The following SH3RF3 variants were observed in gnomAD, a reference collection of about 807,000 sequenced individuals.
The protein encoded by SH3RF3 is E3 ubiquitin-protein ligase SH3RF3.
SH3RF3 carries 29 observed loss-of-function variants against 66.3 expected under a neutral mutation model. The observed-to-expected ratio is 0.44, with a 90% CI of 0.33 to 0.60. The LOEUF is 0.60. Ranked by LOEUF, SH3RF3 falls within the 20% of genes least tolerant of loss-of-function variation. SH3RF3 has a pLI of 0.04. For missense variants in SH3RF3, 1,194 were observed against 1,190.9 expected (o/e 1.00, Z -0.04); for synonymous variants, 583 against 532.0 (o/e 1.10, Z -1.32).
chr2:109,246,703 G>T (rs909952412), intron 1 of SH3RF3, among the ~76,000 whole-genome samples: 1 of 152,208 alleles, frequency 6.6e-6, no homozygotes, highest in Non-Finnish European at 1.5e-5. Flanking sequence ...TCGTCCTAAG[G>T]CTGGATGTCT....
chr2:109,340,391 T>A (rs1682533037), intron 1 of SH3RF3, among the ~76,000 whole-genome samples: 1 of 152,206 alleles, frequency 6.6e-6, no homozygotes. Flanking sequence ...GCCCCAGTAC[T>A]GCTGGAACCC....
chr2:109,409,011 C>T (rs943443634), intron 4 of SH3RF3, among the ~76,000 whole-genome samples: 2 of 152,180 alleles, frequency 1.3e-5, no homozygotes, highest in African/African-American at 2.4e-5. Context: ...TGGGAAGCCC[C>T]GGGTAGGCGA....
chr2:109,469,334 G>A lies in SH3RF3; in HGVS notation c.2148+19845G>A, dbSNP rs148406453. On this transcript the variant is annotated intron_variant, in intron 8 of 9. Transcript: ENST00000309415. ...CTGTATCCTGGGGTGTGTGGCATGCGGCTGGGCCCCTGTGGCCCTTTACTA... is the reference window on the plus strand; with the variant it reads ...CTGTATCCTGGGGTGTGTGGCATGCAGCTGGGCCCCTGTGGCCCTTTACTA... Among the ~76,000 whole-genome samples, 197 of 152,330 alleles carry A rather than the reference G, an allele frequency of 1.3e-3. 2 individuals carry two copies. The highest frequency in any genetic ancestry group is 4.5e-3 in the African/African-American group (185 of 41,570).
At chr2:109,397,412 A>G (rs181612245) in intron 3 of SH3RF3, among the ~76,000 whole-genome samples, 69 of 152,264 alleles carry the variant, frequency 4.5e-4, no homozygotes, top group Admixed American at 6.5e-4. Flanking sequence ...TGATTCTAGT[A>G]TCATAGTTTC....
chr2:109,215,215 C>T (rs1400226425), intron 1 of SH3RF3, among the ~76,000 whole-genome samples: 1 of 152,160 alleles, frequency 6.6e-6, no homozygotes, highest in Non-Finnish European at 1.5e-5. Flanking sequence ...CCCTCATGGT[C>T]CCTGCCCCCT....
chr2:109,136,107 C>T (rs977000384), intron 1 of SH3RF3, among the ~76,000 whole-genome samples: 1 of 152,148 alleles, frequency 6.6e-6, no homozygotes, highest in Non-Finnish European at 1.5e-5. Flanking sequence ...AGCCTGCCTG[C>T]TTGCTGGAGC....
At chr2:109,412,576 T>C (rs1676620011) in intron 4 of SH3RF3, among the ~76,000 whole-genome samples, 1 of 152,196 alleles carries the variant, frequency 6.6e-6, no homozygotes, top group African/African-American at 2.4e-5. Flanking sequence ...CAGCCCCTGC[T>C]GGTGCTGCAG....
chr2:109,386,943 A>T (rs1351787130), intron 3 of SH3RF3, among the ~76,000 whole-genome samples: 1 of 152,176 alleles, frequency 6.6e-6, no homozygotes, highest in Non-Finnish European at 1.5e-5. Flanking sequence ...ACTCCAGCCT[A>T]ATCTGCTTTT....
At chr2:109,234,350 TCTTAGTGC>T (rs1195921600) in intron 1 of SH3RF3, among the ~76,000 whole-genome samples, 3 of 152,220 alleles carry the variant, frequency 2.0e-5, no homozygotes, top group South Asian at 4.1e-4. Flanking sequence ...ATTGCAGGAT[TCTTAGTGC>T]CTAAAACATA....
At chr2:109,157,067 C>T (rs1677363584) in intron 1 of SH3RF3, among the ~76,000 whole-genome samples, 1 of 152,184 alleles carries the variant, frequency 6.6e-6, no homozygotes, top group African/African-American at 2.4e-5. Flanking sequence ...GAAGGGCTCT[C>T]CTTGGTAAAC....
chr2:109,456,594 C>T (rs962346720), intron 8 of SH3RF3, among the ~76,000 whole-genome samples: 3 of 152,208 alleles, frequency 2.0e-5, no homozygotes, highest in Non-Finnish European at 4.4e-5. Flanking sequence ...TTGTTATCTG[C>T]GCCCTCCCAG....
intron 3 of SH3RF3, among the ~76,000 whole-genome samples, chr2:109,375,174 T>C (rs1345598489): frequency 6.6e-6 from 1 of 152,264 alleles, no homozygotes; most frequent in African/African-American, 2.4e-5. Flanking sequence ...CCCTGGGCAC[T>C]GACCCCATCT....
intron 5 of SH3RF3, among the ~76,000 whole-genome samples, chr2:109,426,539 G>A (rs1677031961): frequency 6.6e-6 from 1 of 152,248 alleles, no homozygotes; most frequent in Non-Finnish European, 1.5e-5. Context: ...AACTTGAACA[G>A]ATGAGGAGTT....
intron 3 of SH3RF3, among the ~76,000 whole-genome samples, chr2:109,380,673 C>T (rs545228312): frequency 1.3e-5 from 2 of 152,302 alleles, no homozygotes; most frequent in South Asian, 4.1e-4. Flanking sequence ...CCACAGCCCA[C>T]CTTAAATGTT....
chr2:109,134,737 C>T (rs1376905478), intron 1 of SH3RF3, among the ~76,000 whole-genome samples: 1 of 152,180 alleles, frequency 6.6e-6, no homozygotes, highest in Non-Finnish European at 1.5e-5. Context: ...ACAGGCTCAG[C>T]TCGTTGGTAG....
chr2:109,163,505 T>G lies in SH3RF3; in HGVS notation c.573+33392T>G, dbSNP rs564926669. 7.6e-4 allele frequency among the ~76,000 whole-genome samples: 107 copies of G among 141,112 alleles called. 1 individual carries two copies. The highest frequency in any genetic ancestry group is 1.4e-3 in the Non-Finnish European group (92 of 65,892). The allele number at this position is 141,112 out of a possible 152,430, so 92.6% of individuals were successfully genotyped here. ...GCTCCGCCTCCCGGGTTCACGCCATTCTCCTGCCTCAGCCTCCCAAGTAGC... is the reference window on the plus strand; with the variant it reads ...GCTCCGCCTCCCGGGTTCACGCCATGCTCCTGCCTCAGCCTCCCAAGTAGC... On this transcript the variant is annotated intron_variant, in intron 1 of 9. Transcript: ENST00000309415.
rs1678502282 is a variant in SH3RF3 at position 109,196,499 on chromosome 2, C to T, written c.573+66386C>T. Among the ~76,000 whole-genome samples the T allele has an allele frequency of 3.3e-5, 5 of 152,240 alleles. No homozygotes were observed. The South Asian group carries it at 1.0e-3, about 31-fold the overall frequency. On this transcript the variant is annotated intron_variant, in intron 1 of 9. Coordinates refer to ENST00000309415, the MANE Select transcript of SH3RF3 (RefSeq NM_001099289.3). The stretch of plus-strand genomic sequence containing the variant: ...CAGGTGACTCCCTTCCAGTCTGTTT[C>T]TAGAGTGTCTGGGACCAGCTACTTA...
intron 8 of SH3RF3, among the ~76,000 whole-genome samples, chr2:109,473,613 G>A (rs1352287653): frequency 1.3e-5 from 2 of 152,160 alleles, no homozygotes; most frequent in Non-Finnish European, 2.9e-5. Flanking sequence ...GGGACCTAAA[G>A]CACAAACAAG....
chr2:109,249,537 TTCCTTCC>T lies in SH3RF3; in HGVS notation c.574-98135_574-98129del, dbSNP rs1558981515. 7.2e-3 allele frequency among the ~76,000 whole-genome samples: 695 copies of T among 96,826 alleles called. 6 individuals are homozygous for T. The highest frequency in any genetic ancestry group is 0.014 in the Middle Eastern group (3 of 220). The allele number at this position is 96,826 out of a possible 152,430, so 63.5% of individuals were successfully genotyped here. ...TCTTTCTTTTTCTTTCTTTCTTTCC[TTCCTTCC>T]TTCCTTCCTTCCTTCCTTCCTTCCT... On this transcript the variant is annotated intron_variant, in intron 1 of 9. Coordinates refer to ENST00000309415, the MANE Select transcript of SH3RF3 (RefSeq NM_001099289.3).
Sources: allele counts gnomAD v4.1 joint callset (sites outside exome capture counted in the v4.1 genomes callset), GRCh38; gene constraint gnomAD v4.1.1; transcripts MANE v1.5; gene names NCBI Gene and HGNC (gene_info 2026-07-23, HGNC 2026-07-21).